The following ARNT variants were observed in gnomAD, a reference collection of about 807,000 sequenced individuals.
ARNT encodes class E basic helix-loop-helix protein 2.
ARNT carries 30 observed loss-of-function variants against 105.0 expected under a neutral mutation model. That is an observed-to-expected ratio of 0.29 (90% CI 0.21 to 0.39). The LOEUF (loss-of-function observed/expected upper bound fraction) is 0.39, where lower values mean the gene tolerates loss of function less well. ARNT is among the 10% of genes least tolerant of loss of function. ARNT has a pLI of 1.00. For synonymous variants in ARNT, 304 were observed against 344.0 expected, an observed-to-expected ratio of 0.88 and a Z score of 1.29; for missense variants, 748 against 978.7, an observed-to-expected ratio of 0.76 and a Z score of 3.15.
At position 150,852,690 on chromosome 1, in the gene ARNT, A is replaced by C. The variant is rs1663848296; in HGVS notation, c.182+72T>G. On this transcript the variant is annotated intron_variant, in intron 3 of 21. Transcript: ENST00000358595. ...CTTAGACCTAAGGACAAAAATTTAC[A>C]AGTCAGAAGTATAAAGATCATAAAC... The C allele has an allele frequency of 2.1e-6, 3 of 1,417,274 alleles. No homozygotes were observed. The African/African-American group carries it at 4.3e-5, about 20-fold the overall frequency. 87.8% of individuals were successfully genotyped at this position (1,417,274 alleles called of 1,614,324 possible).
At chr1:150,850,890 C>T (rs1290383556) in intron 3 of ARNT, among the ~76,000 whole-genome samples, 9 of 151,290 alleles carry the variant, frequency 5.9e-5, no homozygotes, top group South Asian at 4.2e-4. Context: ...GCCTCTGCCC[C>T]GCCACCCCGT....
At chr1:150,876,255 A>C (rs1375851721) in intron 1 of ARNT, among the ~76,000 whole-genome samples, 1 of 152,140 alleles carries the variant, frequency 6.6e-6, no homozygotes, top group Non-Finnish European at 1.5e-5. Context: ...CCGACCGAGG[A>C]GTGAGGGCGG....
chr1:150,831,065 G>A (rs1659284816), intron 10 of ARNT, among the ~76,000 whole-genome samples: 1 of 152,156 alleles, frequency 6.6e-6, no homozygotes, highest in South Asian at 2.1e-4. Flanking sequence ...AATTACAGAT[G>A]AGAAAACTGA....
chr1:150,824,197 TAAAA>T (rs1657722871), intron 13 of ARNT, among the ~76,000 whole-genome samples: 1 of 151,402 alleles, frequency 6.6e-6, no homozygotes, highest in Admixed American at 6.6e-5. Flanking sequence ...TTTTGCCATT[TAAAA>T]AAATGGCAAA....
chr1:150,838,155 G>C (rs908791346), intron 6 of ARNT, among the ~76,000 whole-genome samples: 13 of 152,178 alleles, frequency 8.5e-5, no homozygotes, highest in African/African-American at 2.9e-4. Context: ...TTAGATCCCA[G>C]CCTACCTTCC....
In ARNT at chr1:150,839,426, A is replaced by G. The variant is rs375165387; in HGVS notation, c.486+15T>C. ...CCAGATTCCAGACTCTCTCAGAACT[A>G]TAAGTCCCAGAGACCTGATCAGTGA... On this transcript the variant is annotated intron_variant, in intron 6 of 21. Transcript: ENST00000358595. 70 of 1,613,924 alleles carry G rather than the reference A, an allele frequency of 4.3e-5. No homozygotes were observed. Among genetic ancestry groups the G allele is most frequent in the Middle Eastern group, 3.3e-4 (2 of 6,060 alleles).
At chr1:150,840,045 G>A (rs1194209395) in intron 5 of ARNT, among the ~76,000 whole-genome samples, 2 of 151,900 alleles carry the variant, frequency 1.3e-5, no homozygotes, top group African/African-American at 2.4e-5. Flanking sequence ...GTTTGAGACC[G>A]GCCTGGCCAA....
chr1:150,856,226 T>G (rs1051960878), intron 2 of ARNT, among the ~76,000 whole-genome samples: 2 of 151,520 alleles, frequency 1.3e-5, no homozygotes, highest in Admixed American at 1.3e-4. Flanking sequence ...GATCACGAGG[T>G]CAGGAGATCG....
rs1179063684 is a variant in ARNT, at chr1:150,817,342, C to T, written c.1578+19G>A. ...AGTAAATACTCCCTACCCTCTTCAA[C>T]GAAGAGGACACAACTCACCTGGGAA... On this transcript the variant is annotated intron_variant, in intron 16 of 21. Transcript: ENST00000358595. The T allele has an allele frequency of 1.9e-5, 30 of 1,612,858 alleles. No individual in the cohort carries two copies. The highest frequency in any genetic ancestry group is 2.5e-5 in the Non-Finnish European group (29 of 1,179,002).
intron 14 of ARNT, among the ~76,000 whole-genome samples, chr1:150,818,898 A>G (rs1480789813): frequency 6.6e-6 from 1 of 152,164 alleles, no homozygotes; most frequent in Non-Finnish European, 1.5e-5. Flanking sequence ...ACAAAATGGA[A>G]ACACAAAAAT....
chr1:150,817,098 A>G lies in ARNT; in HGVS notation c.1683T>C (p.Tyr561=). 1 of 1,614,206 alleles carries G rather than the reference A, an allele frequency of 6.2e-7. No individual in the cohort carries two copies. The highest frequency in any genetic ancestry group is 1.1e-5 in the South Asian group (1 of 91,088). Residue 561 remains tyrosine, a synonymous_variant, in exon 17 of 22, where the codon TAT becomes TAC. Coordinates refer to ENST00000358595, the MANE Select transcript of ARNT (RefSeq NM_001668.4). ...GAAACATACCCGCATTGATGTTGTG[A>G]TAGATTTCTGAAAATCTTGGATCTC... ...QDRDPRFSEI[Y]HNINADQSKG... is the part of the protein sequence containing the mutation.
intron 16 of ARNT, 41 bp downstream of exon 16, chr1:150,817,320 A>G (rs762336572): frequency 6.2e-7 from 1 of 1,612,348 alleles, no homozygotes; most frequent in Non-Finnish European, 8.5e-7. Context: ...CTTCCTAAGT[A>G]AATACTCCCT....
At chr1:150,818,151 A>G in intron 14 of ARNT, 121 bp from the exon 15 acceptor site, 1 of 666,192 alleles carries the variant, frequency 1.5e-6, no homozygotes, top group South Asian at 2.2e-5. Context: ...AGGTGGAACA[A>G]TCAATAAATC....
chr1:150,854,993 G>A (rs745954301), intron 2 of ARNT, among the ~76,000 whole-genome samples: 4 of 151,704 alleles, frequency 2.6e-5, no homozygotes, highest in Non-Finnish European at 4.4e-5. Context: ...AAAAAGTCTC[G>A]CCATTTTCCC....
At position 150,826,555 on chromosome 1, in the gene ARNT, G is replaced by C. The variant is rs767032946; in HGVS notation, c.1230C>G (p.Asp410Glu). The change falls in exon 13 of 22, where the codon GAC becomes GAG. Residue 410 changes from aspartate (D) to glutamate (E), a missense_variant. By Grantham distance (45) the Asp-to-Glu change is conservative. Transcript: ENST00000358595. Reference sequence around the variant, plus strand: ...GGAAAAAAGTTACCTGTTGGAAGCTGTCTCTTAGAAGCTGCTGGTCTTCAG... The same window carrying C: ...GGAAAAAAGTTACCTGTTGGAAGCTCTCTCTTAGAAGCTGCTGGTCTTCAG... ...CHPEDQQLLR[D>E]SFQQVVKLKG... The C allele has an allele frequency of 6.2e-7, 1 of 1,612,710 alleles. No homozygotes were observed. The highest frequency in any genetic ancestry group is 1.7e-5 in the Admixed American group (1 of 59,988).
chr1:150,867,717 G>T (rs1449943730), intron 1 of ARNT, among the ~76,000 whole-genome samples: 1 of 152,090 alleles, frequency 6.6e-6, no homozygotes, highest in African/African-American at 2.4e-5. Flanking sequence ...GTGCAGTCTG[G>T]TGGGAGGTTA....
At position 150,834,612 on chromosome 1, in the gene ARNT, T is replaced by A; in HGVS notation, c.729A>T (p.Thr243=). The change falls in exon 8 of 22, where the codon ACA becomes ACT. Residue 243 remains threonine (T), a synonymous_variant. Coordinates refer to ENST00000358595, the MANE Select transcript of ARNT (RefSeq NM_001668.4). ...TGRILDLKTG[T]VKKEGQQSSM... Reference sequence around the variant, plus strand: ...AAGACTGCTGACCTTCCTTTTTCACTGTTCCAGTCTTTAGATCCAGGATAC... The same window carrying A: ...AAGACTGCTGACCTTCCTTTTTCACAGTTCCAGTCTTTAGATCCAGGATAC... 1 of 1,614,048 alleles carries A rather than the reference T, an allele frequency of 6.2e-7. No individual in the cohort carries two copies. Among genetic ancestry groups the A allele is most frequent in the Non-Finnish European group, 8.5e-7 (1 of 1,179,946 alleles).
chr1:150,876,228 A>G (rs1032068839), intron 1 of ARNT, among the ~76,000 whole-genome samples: 1 of 152,206 alleles, frequency 6.6e-6, no homozygotes, highest in Non-Finnish European at 1.5e-5. Context: ...AAAGAGGACC[A>G]CATCACAGAC....
At chr1:150,850,103 A>G (rs1321700780) in intron 3 of ARNT, among the ~76,000 whole-genome samples, 2 of 152,076 alleles carry the variant, frequency 1.3e-5, no homozygotes, top group African/African-American at 4.8e-5. Flanking sequence ...AATATTAACA[A>G]CTCAAAAATA....
Sources: allele counts gnomAD v4.1 joint callset (sites outside exome capture counted in the v4.1 genomes callset), GRCh38; gene constraint gnomAD v4.1.1; transcripts MANE v1.5; gene names NCBI Gene and HGNC (gene_info 2026-07-23, HGNC 2026-07-21).